Variants in NRXN1 observed in about 807,000 individuals in gnomAD.
The protein encoded by NRXN1 is neurexin-1.
NRXN1 carries 39 observed loss-of-function variants against 150.9 expected under a neutral mutation model. The ratio of observed to expected loss-of-function variants is 0.26; its 90% CI spans 0.20 to 0.34. The LOEUF is 0.34. Among genes scored for constraint, NRXN1 ranks in the 10% least tolerant of loss-of-function variants. NRXN1 has a pLI of 1.00. For missense variants in NRXN1, 1,815 were observed against 1,949.9 expected, an observed-to-expected ratio of 0.93 and a Z score of 1.30; for synonymous variants, 924 against 757.0, an observed-to-expected ratio of 1.22 and a Z score of -3.62.
At chr2:50,943,730 C>A (rs1575008257) in intron 2 of NRXN1, among the ~76,000 whole-genome samples, 1 of 152,122 alleles carries the variant, frequency 6.6e-6, no homozygotes, top group East Asian at 1.9e-4. Flanking sequence ...GGCTCATGAT[C>A]ACCTAGCCCA....
intron 17 of NRXN1, among the ~76,000 whole-genome samples, chr2:50,245,145 A>G (rs1220205337): frequency 6.6e-6 from 1 of 151,952 alleles, no homozygotes; most frequent in African/African-American, 2.4e-5. Context: ...TATCCCCTCC[A>G]GGAACAGTTG....
At chr2:50,263,459 G>C (rs938505189) in intron 17 of NRXN1, among the ~76,000 whole-genome samples, 2 of 151,924 alleles carry the variant, frequency 1.3e-5, no homozygotes, top group African/African-American at 2.4e-5. Context: ...TTTTTATATA[G>C]GTAGCTATTA....
At chr2:50,056,250 C>T (rs1161313909) in intron 19 of NRXN1, among the ~76,000 whole-genome samples, 2 of 151,990 alleles carry the variant, frequency 1.3e-5, no homozygotes, top group Admixed American at 6.6e-5. Flanking sequence ...CTCTGATTTA[C>T]AATAATTTAT....
At chr2:50,075,259 A>C (rs1375170722) in intron 19 of NRXN1, among the ~76,000 whole-genome samples, 1 of 152,196 alleles carries the variant, frequency 6.6e-6, no homozygotes. Context: ...GTCACTGAAG[A>C]ATTGAGAGGC....
chr2:50,819,716 A>G (rs925515180), intron 5 of NRXN1, among the ~76,000 whole-genome samples: 2 of 152,126 alleles, frequency 1.3e-5, no homozygotes, highest in African/African-American at 2.4e-5. Context: ...AAGGAAAGAA[A>G]AAAAGAATCT....
chr2:50,143,137 A>C (rs1707510720), intron 18 of NRXN1, among the ~76,000 whole-genome samples: 1 of 151,844 alleles, frequency 6.6e-6, no homozygotes, highest in Admixed American at 6.6e-5. Flanking sequence ...GAAGGAAAGG[A>C]GAGGAAGAGA....
chr2:50,312,739 A>G (rs539996128), intron 17 of NRXN1: 6 of 516,936 alleles, frequency 1.2e-5, no homozygotes, highest in Admixed American at 7.8e-5. Flanking sequence ...TGTCATAGGT[A>G]AGCCAAATAC....
In NRXN1 at chr2:50,347,166, C is replaced by T. The variant is rs1454369085; in HGVS notation, c.3365-110196G>A. The T allele has an allele frequency of 8.0e-6, 11 of 1,367,178 alleles. No individual in the cohort carries two copies. Among genetic ancestry groups the T allele is most frequent in the Non-Finnish European group, 1.1e-5 (11 of 1,040,774 alleles). 84.7% of individuals were successfully genotyped at this position (1,367,178 alleles called of 1,614,324 possible). A position where few individuals can be genotyped will look rare whatever the true frequency, so the allele number is the denominator to read the frequency against. ...CAAACAATCCGAAACATAGCCGAGG[C>T]GAATGCAGCTGGAGAGGGGCTTGTC... On this transcript the variant is annotated intron_variant, in intron 17 of 22. Transcript: ENST00000401669. The surrounding 1 kb of genome is among the most constrained non-coding windows in gnomAD (Gnocchi z 4.9).
chr2:50,149,701 T>A (rs1306514515), intron 18 of NRXN1, among the ~76,000 whole-genome samples: 1 of 151,784 alleles, frequency 6.6e-6, no homozygotes, highest in African/African-American at 2.4e-5. Context: ...CTTATCTTTA[T>A]ATATACATAG....
Position 50,435,354 on chromosome 2 carries a change from A to G in NRXN1, c.3364+30088T>C, listed in dbSNP as rs368948040. ...ACATTATGCAAACTATAAAATATAT[A>G]TAATTAAATGCAAGAAACTTTGAAA... On this transcript the variant is annotated intron_variant, in intron 17 of 22. Transcript: ENST00000401669. Among the ~76,000 whole-genome samples the G allele has an allele frequency of 8.5e-5, 13 of 152,354 alleles. No homozygotes were observed. In the East Asian group the frequency reaches 1.2e-3, roughly 14 times the overall value.
chr2:50,911,372 C>T (rs939109209), intron 5 of NRXN1, among the ~76,000 whole-genome samples: 1 of 143,176 alleles, frequency 7.0e-6, no homozygotes. Flanking sequence ...CTTTCAACCA[C>T]TTCCTTTATA....
At chr2:50,459,300 G>T (rs2087915521) in intron 17 of NRXN1, among the ~76,000 whole-genome samples, 1 of 152,212 alleles carries the variant, frequency 6.6e-6, no homozygotes, top group African/African-American at 2.4e-5. Flanking sequence ...TTAATAAAAT[G>T]ATACTAAGTA....
intron 17 of NRXN1, among the ~76,000 whole-genome samples, chr2:50,301,541 A>AT (rs1290015402): frequency 2.0e-5 from 3 of 152,176 alleles, no homozygotes; most frequent in African/African-American, 4.8e-5. Flanking sequence ...ACATCAACAG[A>AT]TTTTTTATGT....
At chr2:50,395,356 A>G (rs2081990264) in intron 17 of NRXN1, among the ~76,000 whole-genome samples, 1 of 151,578 alleles carries the variant, frequency 6.6e-6, no homozygotes, top group Admixed American at 6.6e-5. Flanking sequence ...GGAACCCAAC[A>G]AAGATCACTT....
At chr2:50,451,283 T>C (rs760055151) in intron 17 of NRXN1, among the ~76,000 whole-genome samples, 1 of 152,200 alleles carries the variant, frequency 6.6e-6, no homozygotes, top group Non-Finnish European at 1.5e-5. Flanking sequence ...TCACAATATT[T>C]TGTTCAACAA....
chr2:50,961,866 C>T (rs932990241), intron 2 of NRXN1, among the ~76,000 whole-genome samples: 3 of 151,226 alleles, frequency 2.0e-5, no homozygotes, highest in African/African-American at 7.3e-5. Context: ...ATATTCTCCA[C>T]AAAATGGGTT....
chr2:50,388,281 A>G (rs908106602), intron 17 of NRXN1, among the ~76,000 whole-genome samples: 1 of 152,192 alleles, frequency 6.6e-6, no homozygotes, highest in African/African-American at 2.4e-5. Context: ...GGCTGATATC[A>G]ACCAACACAA....
intron 2 of NRXN1, chr2:51,026,616 A>G: frequency 1.6e-6 from 1 of 633,844 alleles, no homozygotes; most frequent in Non-Finnish European, 2.8e-6. Context: ...ATCTCTTGCA[A>G]TCCCTTACAT....
chr2:50,135,756 G>C (rs1301056444), intron 18 of NRXN1, among the ~76,000 whole-genome samples: 3 of 152,104 alleles, frequency 2.0e-5, no homozygotes, highest in Non-Finnish European at 4.4e-5. Flanking sequence ...TAATGTCTGA[G>C]CAAAATGGAG....
Sources: allele counts gnomAD v4.1 joint callset (sites outside exome capture counted in the v4.1 genomes callset), GRCh38; gene constraint gnomAD v4.1.1; non-coding constraint Gnocchi (gnomAD v3.1); transcripts MANE v1.5; gene names NCBI Gene and HGNC (gene_info 2026-07-23, HGNC 2026-07-21).